Variants in DOK2 observed in about 807,000 individuals in gnomAD.
DOK2 encodes docking protein 2, 56kD.
DOK2 carries 28 observed loss-of-function variants against 26.0 expected under a neutral mutation model. The observed-to-expected ratio is 1.08, with a 90% CI of 0.80 to 1.48. The LOEUF is 1.48. Ranked by LOEUF, DOK2 falls within the 40% of genes most tolerant of loss-of-function variation. The pLI is 0.00. For missense variants in DOK2, 682 were observed against 558.2 expected, an observed-to-expected ratio of 1.22 and a Z score of -2.23; for synonymous variants, 282 against 236.9, an observed-to-expected ratio of 1.19 and a Z score of -1.75.
chr8:21,909,553 TGCTGTC>T lies in DOK2; in HGVS notation c.991_996del (p.Asp331_Ser332del), dbSNP rs767407723. 1.9e-5 allele frequency: 31 copies of T among 1,613,978 alleles called. No homozygotes were observed. Among genetic ancestry groups the T allele is most frequent in the Non-Finnish European group, 2.3e-5 (27 of 1,180,024 alleles). ...GGTCGAGGGGGCAGGGTCTCCTCAA[TGCTGTC>T]GTACAGAGGGTCGGCCAGGAGCTGA... is the stretch of plus-strand genomic sequence containing the variant. On this transcript the variant is annotated inframe_deletion, in exon 5 of 5. Coordinates refer to ENST00000276420, the MANE Select transcript of DOK2 (RefSeq NM_003974.4).
In DOK2 at chr8:21,912,007, G is replaced by C. The variant is rs775561320; in HGVS notation, c.346-19C>G. 19 of 1,544,158 alleles carry C rather than the reference G, an allele frequency of 1.2e-5. No homozygotes were observed. Among genetic ancestry groups the C allele is most frequent in the Non-Finnish European group, 1.7e-5 (19 of 1,145,442 alleles). On this transcript the variant is annotated intron_variant, in intron 2 of 4. Coordinates refer to ENST00000276420, the MANE Select transcript of DOK2 (RefSeq NM_003974.4). ...TCTGCCCCTAGGGAGGAGGCGCCCC[G>C]TCTCATCACCTTCCCCGATCCCCAG...
rs778082994 is a variant in DOK2, at chr8:21,909,054, G to C, written c.*257C>G. The C allele has an allele frequency of 2.5e-6, 1 of 394,420 alleles. No individual in the cohort carries two copies. Among genetic ancestry groups the C allele is most frequent in the Non-Finnish European group, 4.5e-6 (1 of 220,418 alleles). 24.4% of individuals were successfully genotyped at this position (394,420 alleles called of 1,614,324 possible). On this transcript the variant is annotated 3_prime_UTR_variant, in exon 5 of 5. Transcript: ENST00000276420. ...TTGTCCTCTGCCCTAAATGCCCCAGGTTCCTCCTCAGCTGGGGAAAGAAAG... is the reference window on the plus strand; with the variant it reads ...TTGTCCTCTGCCCTAAATGCCCCAGCTTCCTCCTCAGCTGGGGAAAGAAAG...
chr8:21,911,055 C>CCCCCTACCCTAGTAGGCATCACG (rs1418564908), intron 3 of DOK2, 198 bp from the exon 4 acceptor site: 3 of 622,740 alleles, frequency 4.8e-6, no homozygotes, highest in Non-Finnish European at 5.5e-6. Flanking sequence ...GGTACCTCCA[C>CCCCCTACCCTAGTAGGCATCACG]CCCCTACCCT....
chr8:21,911,432 C>T (rs1288146102), intron 3 of DOK2, among the ~76,000 whole-genome samples: 1 of 152,122 alleles, frequency 6.6e-6, no homozygotes, highest in Non-Finnish European at 1.5e-5. Context: ...CATGGTGAAA[C>T]CCCGACTCTA....
chr8:21,910,757 G>T lies in DOK2; in HGVS notation c.534C>A (p.Ala178=). Residue 178 remains alanine (A), a synonymous_variant, in exon 4 of 5, where the codon GCC becomes GCA. Coordinates refer to ENST00000276420, the MANE Select transcript of DOK2 (RefSeq NM_003974.4). ...GSYTLRAGES[A]LELWGGPEPG... ...GCTCGGGCCCACCCCACAGCTCCAG[G>T]GCACTCTCCCCAGCCCGGAGGGTAT... is the stretch of plus-strand genomic sequence containing the variant. 3.7e-6 allele frequency: 6 copies of T among 1,614,008 alleles called. No homozygotes were observed. Among genetic ancestry groups the T allele is most frequent in the Non-Finnish European group, 5.1e-6 (6 of 1,179,984 alleles).
chr8:21,911,875 G>A (rs1006296288), intron 3 of DOK2, 26 bp downstream of exon 3: 3 of 1,548,682 alleles, frequency 1.9e-6, no homozygotes, highest in African/African-American at 1.4e-5. Flanking sequence ...CCCCAGGGGA[G>A]AGCAGGGCAG....
chr8:21,913,002 G>A (rs1017545921), intron 1 of DOK2, among the ~76,000 whole-genome samples: 2 of 152,180 alleles, frequency 1.3e-5, no homozygotes, highest in Non-Finnish European at 2.9e-5. Context: ...GTTGGGCCAT[G>A]AGAGAGAGAC....
chr8:21,911,985 G>A lies in DOK2; in HGVS notation c.349C>T (p.Gln117Ter). 1 of 1,550,628 alleles carries A rather than the reference G, an allele frequency of 6.4e-7. No individual in the cohort carries two copies. Among genetic ancestry groups the A allele is most frequent in the Non-Finnish European group, 8.7e-7 (1 of 1,147,758 alleles). ...QAICLLAFPG[Q>*]RKELSGPEGK... ...TCTGGCCCCGAGAGCTCCTTCCTCT[G>A]CCCCTAGGGAGGAGGCGCCCCGTCT... is the stretch of plus-strand genomic sequence containing the variant. The change falls in exon 3 of 5, where the codon CAG (glutamine) becomes TAG (stop). Residue 117 changes from glutamine to a stop codon, truncating the protein, a stop_gained. Transcript: ENST00000276420. LOFTEE classifies it high-confidence loss of function.
chr8:21,909,275 G>A lies in DOK2; in HGVS notation c.*36C>T, dbSNP rs1441281653. On this transcript the variant is annotated 3_prime_UTR_variant, in exon 5 of 5. Coordinates refer to ENST00000276420, the MANE Select transcript of DOK2 (RefSeq NM_003974.4). The stretch of plus-strand genomic sequence containing the variant: ...TGGCCAGGAGGAGTCACCAGCAGAA[G>A]CCAAGGGGCGGTGGACCATCCCTCT... The A allele has an allele frequency of 2.6e-6, 4 of 1,514,840 alleles. No homozygotes were observed. The highest frequency in any genetic ancestry group is 2.3e-5 in the East Asian group (1 of 43,946). 93.8% of individuals were successfully genotyped at this position (1,514,840 alleles called of 1,614,324 possible).
chr8:21,912,750 A>G (rs1193229730), intron 1 of DOK2, among the ~76,000 whole-genome samples: 1 of 152,186 alleles, frequency 6.6e-6, no homozygotes, highest in African/African-American at 2.4e-5. Flanking sequence ...GCAAGAGCAG[A>G]GACTGCCCAG....
intron 3 of DOK2, chr8:21,911,097 C>G: frequency 1.9e-6 from 1 of 538,502 alleles, no homozygotes; most frequent in East Asian, 3.2e-5. Flanking sequence ...CACATCCACC[C>G]CAACCTCGTG....
intron 1 of DOK2, among the ~76,000 whole-genome samples, chr8:21,913,309 C>T (rs1348603806): frequency 6.6e-6 from 1 of 152,212 alleles, no homozygotes; most frequent in Admixed American, 6.5e-5. Flanking sequence ...CACCCCCACC[C>T]AGGGCAAACA....
chr8:21,912,541 G>C (rs539886209), intron 1 of DOK2, 31 bp from the exon 2 acceptor site: 2 of 1,469,160 alleles, frequency 1.4e-6, no homozygotes, highest in African/African-American at 2.8e-5. Context: ...GCGGGGGCGG[G>C]AGGGAGCCAC....
chr8:21,911,926 AT>A lies in DOK2; in HGVS notation c.407del (p.Asn136MetfsTer18). The A allele has an allele frequency of 6.4e-7, 1 of 1,562,528 alleles. No individual in the cohort carries two copies. On this transcript the variant is annotated frameshift_variant, in exon 3 of 5. Transcript: ENST00000276420. LOFTEE classifies it high-confidence loss of function. Reference protein sequence around the residue: ...GKQSRPCMEENELYSSAVTVG... With the variant: ...GKQSRPCMEEXELYSSAVTVG... ...CTGTGACTGCGCTGCTGTACAATTCATTTTCCTCCATGCAGGGCCGGCTCTG... is the reference window on the plus strand; with the variant it reads ...CTGTGACTGCGCTGCTGTACAATTCATTTCCTCCATGCAGGGCCGGCTCTG...
intron 1 of DOK2, among the ~76,000 whole-genome samples, chr8:21,912,768 G>A (rs543749542): frequency 6.6e-6 from 1 of 152,318 alleles, no homozygotes; most frequent in South Asian, 2.1e-4. Context: ...CAGGCAGAAA[G>A]CAACGCCGGG....
Position 21,909,653 on chromosome 8 carries a change from A to G in DOK2, c.897T>C (p.Tyr299=). The G allele has an allele frequency of 6.2e-7, 1 of 1,613,046 alleles. No individual in the cohort carries two copies. The highest frequency in any genetic ancestry group is 8.5e-7 in the Non-Finnish European group (1 of 1,180,028). The change falls in exon 5 of 5, where the codon TAT becomes TAC. Residue 299 remains tyrosine (Y), a synonymous_variant. Coordinates refer to ENST00000276420, the MANE Select transcript of DOK2 (RefSeq NM_003974.4). ...GGGCCACCGCATCGAAGGGCACGGC[A>G]TACTCCCCCTCCTGGCCCCGAGGCC... is the stretch of plus-strand genomic sequence containing the variant. ...APRPRGQEGE[Y]AVPFDAVARS...
chr8:21,912,601 G>C (rs924584872), intron 1 of DOK2, 91 bp from the exon 2 acceptor site: 19 of 1,309,392 alleles, frequency 1.5e-5, no homozygotes, highest in Non-Finnish European at 1.8e-5. Context: ...ACCGTGGGAG[G>C]GGGACTGGGG....
Position 21,913,613 on chromosome 8 carries a change from C to A in DOK2, c.-12G>T. On this transcript the variant is annotated 5_prime_UTR_variant, in exon 1 of 5. Transcript: ENST00000276420. ...GCCCCGTCTCCCATCCTCTGACCAT[C>A]TCGGAGCCCCAGGCTTCAGCTCTCT... 6.2e-7 allele frequency: 1 copy of A among 1,613,924 alleles called. No individual in the cohort carries two copies. Among genetic ancestry groups the A allele is most frequent in the Non-Finnish European group, 8.5e-7 (1 of 1,179,978 alleles).
chr8:21,911,819 C>T, intron 3 of DOK2, 82 bp downstream of exon 3: 3 of 1,406,820 alleles, frequency 2.1e-6, no homozygotes, highest in Non-Finnish European at 1.9e-6. Context: ...TCGGGGCCAG[C>T]AGCTAGCCAG....
Sources: allele counts gnomAD v4.1 joint callset (sites outside exome capture counted in the v4.1 genomes callset), GRCh38; gene constraint gnomAD v4.1.1; transcripts MANE v1.5; gene names NCBI Gene and HGNC (gene_info 2026-07-23, HGNC 2026-07-21).